LRCH2: variants seen among roughly 807,000 people sequenced by gnomAD.
LRCH2 encodes leucine rich repeats and calponin homology domain containing 2.
In LRCH2, 38 loss-of-function variants were observed where a neutral mutation model predicts 68.9. That is an observed-to-expected ratio of 0.55 (90% CI 0.43 to 0.72). The LOEUF is 0.72. Ranked by LOEUF, LRCH2 falls within the 30% of genes least tolerant of loss-of-function variation. The pLI is 0.00. For synonymous variants in LRCH2, 191 were observed against 208.1 expected (o/e 0.92, Z 0.71); for missense variants, 528 against 572.9 (o/e 0.92, Z 0.80).
intron 1 of LRCH2, among the ~76,000 whole-genome samples, chrX:115,188,762 C>T (rs999164416): frequency 9.9e-5 from 11 of 111,158 alleles, no homozygotes; most frequent in Non-Finnish European, 1.9e-4. Flanking sequence ...ACCCAGGAGG[C>T]GGAGGTTGCA....
Position 115,192,417 on chromosome X carries a change from C to T in LRCH2, c.350-4047G>A, listed in dbSNP as rs368065328. ...AGGAGTACCAGGGCAGCTTGCCTGA[C>T]GCCTACAGCGGCGACCACGACAGAT... On this transcript the variant is annotated intron_variant, in intron 1 of 20. Coordinates refer to ENST00000317135, the MANE Select transcript of LRCH2 (RefSeq NM_020871.4). 2.9e-4 allele frequency: 334 copies of T among 1,165,362 alleles called. 1 individual carries two copies. In the South Asian group the frequency reaches 5.1e-3, roughly 18 times the overall value.
intron 2 of LRCH2, among the ~76,000 whole-genome samples, chrX:115,186,882 G>C (rs782569568): frequency 2.5e-3 from 242 of 96,979 alleles, no homozygotes; most frequent in African/African-American, 8.7e-3. Flanking sequence ...GCAGTGGCGC[G>C]ATCTCGGCTC....
At chrX:115,153,126 T>C (rs782249506) in intron 12 of LRCH2, among the ~76,000 whole-genome samples, 1 of 92,646 alleles carries the variant, frequency 1.1e-5, no homozygotes, top group African/African-American at 4.1e-5. Flanking sequence ...CTGGGCAACA[T>C]AGTGAGACCC....
intron 2 of LRCH2, among the ~76,000 whole-genome samples, chrX:115,186,412 C>G (rs932424027): frequency 9.1e-6 from 1 of 110,301 alleles, no homozygotes. Context: ...AATCTGGTTT[C>G]TTAATACCGG....
chrX:115,209,043 T>C lies in LRCH2; in HGVS notation c.350-20673A>G, dbSNP rs73636270. Among the ~76,000 whole-genome samples, 1,090 of 112,110 alleles carry C rather than the reference T, an allele frequency of 9.7e-3. 19 individuals are homozygous for C. Among genetic ancestry groups the C allele is most frequent in the African/African-American group, 0.033 (1,033 of 30,860 alleles). On this transcript the variant is annotated intron_variant, in intron 1 of 20. Transcript: ENST00000317135. ...CATCATTAGAGTAATCACCATAGAA[T>C]TGTCTGCTTGAAGGAACATGGGAGT... is the stretch of plus-strand genomic sequence containing the variant.
At chrX:115,126,766 G>T in intron 16 of LRCH2, 77 bp downstream of exon 16, 2 of 748,267 alleles carry the variant, frequency 2.7e-6, no homozygotes, top group Non-Finnish European at 3.7e-6. Flanking sequence ...ACAGAGAACT[G>T]GCAAGGAAGA....
chrX:115,222,888 A>G (rs782003649), intron 1 of LRCH2, among the ~76,000 whole-genome samples: 1 of 111,702 alleles, frequency 9.0e-6, no homozygotes, highest in South Asian at 3.7e-4. Context: ...AGCCCCAAAA[A>G]TCTTGAAAAA....
intron 12 of LRCH2, among the ~76,000 whole-genome samples, chrX:115,152,523 A>T (rs1489221861): frequency 1.8e-5 from 2 of 111,976 alleles, no homozygotes; most frequent in African/African-American, 6.5e-5. Flanking sequence ...TGCAGATTAG[A>T]CATTTCACAA....
chrX:115,208,682 T>C (rs1445149593), intron 1 of LRCH2, among the ~76,000 whole-genome samples: 1 of 111,983 alleles, frequency 8.9e-6, no homozygotes, highest in Non-Finnish European at 1.9e-5. Flanking sequence ...CAAAATGACT[T>C]TCAGAAATTA....
chrX:115,231,910 T>A (rs1569518405), intron 1 of LRCH2, among the ~76,000 whole-genome samples: 1 of 111,464 alleles, frequency 9.0e-6, no homozygotes, highest in Non-Finnish European at 1.9e-5. Context: ...ATAAGTACCA[T>A]GGGAATTCAA....
In LRCH2 at chrX:115,189,976, C is replaced by T. The variant is rs1281572227; in HGVS notation, c.350-1606G>A. On this transcript the variant is annotated intron_variant, in intron 1 of 20. Transcript: ENST00000317135. ...GGCTCACAGCGTTGGCTGTGGAATG[C>T]GCGGGAAGGCACCGACTGTGTCGGG... is the stretch of plus-strand genomic sequence containing the variant. The T allele has an allele frequency of 2.1e-5, 24 of 1,162,046 alleles. No homozygotes were observed. The highest frequency in any genetic ancestry group is 1.4e-4 in the African/African-American group (8 of 56,167).
intron 20 of LRCH2, among the ~76,000 whole-genome samples, chrX:115,113,973 T>C (rs1271651423): frequency 9.0e-6 from 1 of 111,168 alleles, no homozygotes; most frequent in Non-Finnish European, 1.9e-5. Context: ...TATTCTCATC[T>C]ATTTCTAGTT....
Position 115,149,918 on chromosome X carries a change from A to C in LRCH2, c.1604T>G (p.Ile535Arg). The C allele has an allele frequency of 8.3e-7, 1 of 1,201,044 alleles. No homozygotes were observed. The highest frequency in any genetic ancestry group is 1.1e-6 in the Non-Finnish European group (1 of 889,163). Residue 535 changes from isoleucine to arginine, a missense_variant, in exon 14 of 21, where the codon ATA (isoleucine) becomes AGA (arginine). Physicochemically the swap from Ile to Arg is moderately conservative, Grantham distance 97 (BLOSUM62 -3). Coordinates refer to ENST00000317135, the MANE Select transcript of LRCH2 (RefSeq NM_020871.4). Reference protein sequence around the residue: ...WQPLENQKDQIDEQPWPESHP... With the variant: ...WQPLENQKDQRDEQPWPESHP... ...AGATTCTGGCCACGGTTGTTCATCT[A>C]TTTGATCCTTCTGATTTTCTAAGGG...
intron 14 of LRCH2, among the ~76,000 whole-genome samples, chrX:115,132,090 A>T (rs1222299205): frequency 9.0e-6 from 1 of 111,266 alleles, no homozygotes; most frequent in African/African-American, 3.3e-5. Context: ...CTTTAATTAG[A>T]TCCCATTTGT....
chrX:115,174,597 C>A lies in LRCH2; in HGVS notation c.865-4165G>T, dbSNP rs782617432. Among the ~76,000 whole-genome samples, 276 of 97,801 alleles carry A rather than the reference C, an allele frequency of 2.8e-3. 9 individuals are homozygous for A. Among genetic ancestry groups the A allele is most frequent in the African/African-American group, 0.011 (264 of 25,128 alleles). The allele number at this position is 97,801 out of a possible 115,157, so 84.9% of individuals were successfully genotyped here. A position where few individuals can be genotyped will look rare whatever the true frequency, so the allele number is the denominator to read the frequency against. ...TTTCATTACACACAAACACACCCCC[C>A]CCCCCACACACACACACACACTATA... On this transcript the variant is annotated intron_variant, in intron 5 of 20. Coordinates refer to ENST00000317135, the MANE Select transcript of LRCH2 (RefSeq NM_020871.4).
intron 14 of LRCH2, among the ~76,000 whole-genome samples, chrX:115,135,248 C>T (rs1556531561): frequency 1.9e-5 from 2 of 107,696 alleles, no homozygotes; most frequent in Non-Finnish European, 3.8e-5. Flanking sequence ...CAGCCACCCC[C>T]GACCAAGTAG....
chrX:115,201,410 C>CA (rs782071855), intron 1 of LRCH2, among the ~76,000 whole-genome samples: 1 of 111,386 alleles, frequency 9.0e-6, no homozygotes, highest in East Asian at 2.8e-4. Context: ...AAAATTAGGA[C>CA]AAAAAACATA....
At chrX:115,228,134 T>C (rs782300780) in intron 1 of LRCH2, among the ~76,000 whole-genome samples, 33 of 112,094 alleles carry the variant, frequency 2.9e-4, no homozygotes, top group African/African-American at 5.2e-4. Flanking sequence ...CTTTAGCAGA[T>C]TGAGTGCACT....
chrX:115,188,021 A>C (rs1256507330), intron 2 of LRCH2, among the ~76,000 whole-genome samples: 1 of 112,366 alleles, frequency 8.9e-6, no homozygotes, highest in Admixed American at 9.4e-5. Context: ...TCCCCGGGTA[A>C]TTCCTGTGTG....
Sources: gnomAD v4.1 joint callset for allele counts (sites outside exome capture counted in the v4.1 genomes callset) on GRCh38, gnomAD v4.1.1 for gene constraint, MANE v1.5 for transcripts, NCBI Gene and HGNC (gene_info 2026-07-23, HGNC 2026-07-21) for gene names.